The following PRKN variants were observed in gnomAD, a reference collection of about 807,000 sequenced individuals.
PRKN encodes parkin RBR E3 ubiquitin protein ligase, also known as E3 ubiquitin-protein ligase parkin.
Under a neutral mutation model 59.5 loss-of-function variants are expected in PRKN, and 56 were observed. That is an observed-to-expected ratio of 0.94 (90% confidence interval 0.76 to 1.18). The LOEUF is 1.18. Among genes scored for constraint, PRKN ranks in the 50% most tolerant of loss-of-function variants. The probability of loss-of-function intolerance (pLI) is 0.00; values close to 1 mark genes in which losing one functional copy is unlikely to be tolerated. For synonymous variants in PRKN, 250 were observed against 222.1 expected, an observed-to-expected ratio of 1.13 and a Z score of -1.12; for missense variants, 657 against 596.4, an observed-to-expected ratio of 1.10 and a Z score of -1.06.
intron 5 of PRKN, among the ~76,000 whole-genome samples, chr6:162,020,121 T>G (rs1783079409): frequency 6.6e-6 from 1 of 151,452 alleles, no homozygotes; most frequent in Non-Finnish European, 1.5e-5. Context: ...TGCTCAAAGT[T>G]GAGAGGATGG....
chr6:161,670,147 G>C (rs1784856897), intron 7 of PRKN, among the ~76,000 whole-genome samples: 1 of 152,256 alleles, frequency 6.6e-6, no homozygotes, highest in African/African-American at 2.4e-5. Flanking sequence ...TAGAACAATA[G>C]AGTGGCTTCA....
chr6:162,664,773 CT>C (rs1214132096), intron 1 of PRKN, among the ~76,000 whole-genome samples: 1 of 151,780 alleles, frequency 6.6e-6, no homozygotes, highest in Non-Finnish European at 1.5e-5. Flanking sequence ...CTTGTAAATT[CT>C]GTATATTAGA....
intron 4 of PRKN, among the ~76,000 whole-genome samples, chr6:162,100,929 A>C (rs953417915): frequency 1.3e-5 from 2 of 152,124 alleles, no homozygotes; most frequent in African/African-American, 2.4e-5. Flanking sequence ...AAATTGGGTT[A>C]CTTATTTTCT....
intron 2 of PRKN, among the ~76,000 whole-genome samples, chr6:162,379,645 G>A (rs1786319043): frequency 6.6e-6 from 1 of 152,094 alleles, no homozygotes; most frequent in East Asian, 1.9e-4. Flanking sequence ...CCTCTGGCTG[G>A]TGAAGCCAAA....
At chr6:162,596,986 A>C (rs1469530149) in intron 1 of PRKN, among the ~76,000 whole-genome samples, 1 of 152,232 alleles carries the variant, frequency 6.6e-6, no homozygotes, top group Non-Finnish European at 1.5e-5. Context: ...CGTGACCTTC[A>C]AGAAATGCAG....
At chr6:162,229,218 C>T (rs959029867) in intron 3 of PRKN, among the ~76,000 whole-genome samples, 7 of 152,164 alleles carry the variant, frequency 4.6e-5, no homozygotes, top group Non-Finnish European at 8.8e-5. Flanking sequence ...ACAAAACCTG[C>T]TTCTGCCTAG....
intron 1 of PRKN, among the ~76,000 whole-genome samples, chr6:162,506,896 G>T (rs1793635201): frequency 1.3e-5 from 2 of 152,058 alleles, no homozygotes; most frequent in Non-Finnish European, 2.9e-5. Context: ...TGGAAAATGG[G>T]GTTTGCTAAG....
chr6:161,941,685 C>A (rs1779573867), intron 6 of PRKN, among the ~76,000 whole-genome samples: 1 of 152,292 alleles, frequency 6.6e-6, no homozygotes, highest in Middle Eastern at 3.4e-3. Flanking sequence ...TAAACATTCA[C>A]CCCTAGACAC....
chr6:162,505,176 T>C (rs1793555465), intron 1 of PRKN, among the ~76,000 whole-genome samples: 1 of 152,188 alleles, frequency 6.6e-6, no homozygotes, highest in Non-Finnish European at 1.5e-5. Context: ...TCACTGGACC[T>C]AGCAACTTCG....
intron 4 of PRKN, among the ~76,000 whole-genome samples, chr6:162,200,169 A>G (rs1784662784): frequency 6.6e-6 from 1 of 152,146 alleles, no homozygotes; most frequent in Admixed American, 6.5e-5. Flanking sequence ...GACTGCCCCC[A>G]GCACTGTGTC....
intron 4 of PRKN, among the ~76,000 whole-genome samples, chr6:162,095,855 T>G (rs1172260583): frequency 1.3e-5 from 2 of 152,160 alleles, no homozygotes; most frequent in African/African-American, 4.8e-5. Context: ...GGCCACAGTT[T>G]CCTCATCTGT....
intron 1 of PRKN, among the ~76,000 whole-genome samples, chr6:162,705,303 C>T (rs1019436987): frequency 2.0e-5 from 3 of 152,146 alleles, no homozygotes; most frequent in Non-Finnish European, 2.9e-5. Context: ...TTAGAAGCAG[C>T]TATACCACCA....
At chr6:162,503,132 A>ATCTTT in intron 1 of PRKN, among the ~76,000 whole-genome samples, 1 of 86,584 alleles carries the variant, frequency 1.2e-5, no homozygotes. Context: ...AATAGTCTTC[A>ATCTTT]TTTCTTTTTT....
In PRKN at chr6:162,222,196, G is replaced by A. The variant is rs534170520; in HGVS notation, c.413-20944C>T. Reference sequence around the variant, plus strand: ...TAACCCTCTCGCCTTGAGTGCAGGTGGCACCTGTAAAAATGATCAGATATC... The same window carrying A: ...TAACCCTCTCGCCTTGAGTGCAGGTAGCACCTGTAAAAATGATCAGATATC... On this transcript the variant is annotated intron_variant, in intron 3 of 11. Coordinates refer to ENST00000366898, the MANE Select transcript of PRKN (RefSeq NM_004562.3). 3.3e-5 allele frequency among the ~76,000 whole-genome samples: 5 copies of A among 152,162 alleles called. No individual in the cohort carries two copies. The South Asian group carries it at 6.2e-4, about 19-fold the overall frequency.
At chr6:161,717,273 C>T (rs1053102577) in intron 7 of PRKN, among the ~76,000 whole-genome samples, 3 of 152,150 alleles carry the variant, frequency 2.0e-5, no homozygotes, top group Admixed American at 6.5e-5. Flanking sequence ...GGAATGCGGA[C>T]GGGCAAGAGG....
At chr6:162,349,824 A>G (rs1301399596) in intron 2 of PRKN, among the ~76,000 whole-genome samples, 1 of 152,176 alleles carries the variant, frequency 6.6e-6, no homozygotes, top group Non-Finnish European at 1.5e-5. Context: ...GTTCTATTCA[A>G]CATTGTACTG....
At chr6:162,101,163 C>T (rs1779954599) in intron 4 of PRKN, among the ~76,000 whole-genome samples, 1 of 151,940 alleles carries the variant, frequency 6.6e-6, no homozygotes, top group African/African-American at 2.4e-5. Flanking sequence ...ATATCAATAC[C>T]ACGCAGCTTT....
At chr6:162,148,169 A>G (rs6904579) in intron 4 of PRKN, among the ~76,000 whole-genome samples, 64,506 of 152,002 alleles carry the variant, frequency 0.42, 16,121 homozygotes, top group Non-Finnish European at 0.56. Context: ...GAGCTATCCA[A>G]AAAAATTTAT....
intron 9 of PRKN, among the ~76,000 whole-genome samples, chr6:161,528,615 G>A (rs747042628): frequency 5.3e-5 from 8 of 152,130 alleles, no homozygotes; most frequent in Non-Finnish European, 1.2e-4. Context: ...TGACTCCAGG[G>A]CACACCCATA....
Sources: gnomAD v4.1 joint callset for allele counts (sites outside exome capture counted in the v4.1 genomes callset) on GRCh38, gnomAD v4.1.1 for gene constraint, MANE v1.5 for transcripts, NCBI Gene and HGNC (gene_info 2026-07-23, HGNC 2026-07-21) for gene names.